CDKL3: variants seen among roughly 807,000 people sequenced by gnomAD.
CDKL3 encodes cyclin dependent kinase like 3.
CDKL3 carries 65 observed loss-of-function variants against 69.3 expected under a neutral mutation model. That is an observed-to-expected ratio of 0.94 (90% CI 0.77 to 1.15). The LOEUF is 1.15. Ranked by LOEUF, CDKL3 falls within the 50% of genes most tolerant of loss-of-function variation. The pLI, the probability that CDKL3 is intolerant of heterozygous loss-of-function variation, is 0.00. For missense variants in CDKL3, 652 were observed against 689.2 expected (o/e 0.95, Z 0.61); for synonymous variants, 202 against 221.6 (o/e 0.91, Z 0.79).
At chr5:134,344,921 C>T (rs997623640) in intron 4 of CDKL3, among the ~76,000 whole-genome samples, 2 of 151,866 alleles carry the variant, frequency 1.3e-5, no homozygotes, top group Non-Finnish European at 2.9e-5. Flanking sequence ...AAAAATTAGC[C>T]GGGTGTGGTG....
intron 8 of CDKL3, among the ~76,000 whole-genome samples, chr5:134,286,729 T>C (rs1249847030): frequency 2.0e-5 from 3 of 152,046 alleles, no homozygotes; most frequent in Non-Finnish European, 4.4e-5. Flanking sequence ...CCCCTTGTAA[T>C]AACCATCAGA....
At chr5:134,294,800 T>G (rs895352636), downstream of CDKL3, among the ~76,000 whole-genome samples, 7 of 152,108 alleles carry the variant, frequency 4.6e-5, no homozygotes, top group Non-Finnish European at 1.5e-5. Flanking sequence ...ATTGTACTTC[T>G]GTATATTAGC....
At chr5:134,310,278 C>T (rs1012463947) in intron 7 of CDKL3, among the ~76,000 whole-genome samples, 13 of 150,938 alleles carry the variant, frequency 8.6e-5, no homozygotes, top group African/African-American at 2.2e-4. Context: ...CTCTGCCTCC[C>T]GTGTTCACAC....
At chr5:134,318,854 TA>T (rs1222366227) in intron 6 of CDKL3, among the ~76,000 whole-genome samples, 5 of 152,216 alleles carry the variant, frequency 3.3e-5, no homozygotes, top group Middle Eastern at 3.4e-3. Context: ...ATAATTATCT[TA>T]GGGGGCATTC....
chr5:134,319,835 T>C (rs1580943622), intron 5 of CDKL3, among the ~76,000 whole-genome samples: 1 of 152,362 alleles, frequency 6.6e-6, no homozygotes, highest in Non-Finnish European at 1.5e-5. Flanking sequence ...CAAATGATTT[T>C]ACTATTAAGT....
Position 134,321,846 on chromosome 5 carries a change from G to C in CDKL3, c.597C>G (p.Pro199=), listed in dbSNP as rs767635510. The C allele has an allele frequency of 1.2e-6, 2 of 1,612,872 alleles. No individual in the cohort carries two copies. Among genetic ancestry groups the C allele is most frequent in the Non-Finnish European group, 1.7e-6 (2 of 1,179,178 alleles). ...CMIIEMATGN[P]YLPSSSDLDL... ...CCAAATCAGAACTACTAGGAAGATA[G>C]GGATTTCCAGTGGCCATCTCAATGA... Residue 199 remains proline (P), a synonymous_variant, in exon 5 of 13, where the codon CCC becomes CCG. Coordinates refer to ENST00000265334, the MANE Select transcript of CDKL3 (RefSeq NM_001113575.2).
chr5:134,367,640 CTGGGATTACAGG>C (rs1184617517), upstream of CDKL3, among the ~76,000 whole-genome samples: 1 of 152,192 alleles, frequency 6.6e-6, no homozygotes, highest in Admixed American at 6.5e-5. Flanking sequence ...TCCCAAAGTG[CTGGGATTACAGG>C]CGTAAGCCAC....
intron 3 of CDKL3, among the ~76,000 whole-genome samples, chr5:134,352,004 T>G (rs1753424033): frequency 6.6e-6 from 1 of 152,108 alleles, no homozygotes; most frequent in Non-Finnish European, 1.5e-5. Context: ...ATTCCTTCTT[T>G]CTAACTGAAT....
chr5:134,298,783 A>G, intron 12 of CDKL3, 73 bp from the exon 13 acceptor site: 1 of 1,551,580 alleles, frequency 6.4e-7, no homozygotes, highest in Non-Finnish European at 8.7e-7. Flanking sequence ...CTCTGACTTT[A>G]TTAATGCTAA....
intron 4 of CDKL3, among the ~76,000 whole-genome samples, chr5:134,323,082 A>C (rs1773223011): frequency 6.6e-6 from 1 of 152,194 alleles, no homozygotes; most frequent in African/African-American, 2.4e-5. Context: ...TCATGAAAGA[A>C]ATAAAAGATC....
At chr5:134,356,114 T>C (rs1754548232) in intron 3 of CDKL3, among the ~76,000 whole-genome samples, 1 of 152,222 alleles carries the variant, frequency 6.6e-6, no homozygotes, top group Non-Finnish European at 1.5e-5. Flanking sequence ...GCCCTGAGCT[T>C]GTTTTCCTGC....
rs1394816957 is a variant in CDKL3, at chr5:134,310,005, A to AT, written c.882-1279dup. Among the ~76,000 whole-genome samples the AT allele has an allele frequency of 2.6e-5, 4 of 151,732 alleles. No homozygotes were observed. The East Asian group carries it at 7.7e-4, about 29-fold the overall frequency. On this transcript the variant is annotated intron_variant, in intron 7 of 12. Transcript: ENST00000265334. ...ACCAACACACCCAGATAATTTTTGTATTTTTTGTAGAGACAGGGTTTTGCC... is the reference window on the plus strand; with the variant it reads ...ACCAACACACCCAGATAATTTTTGTATTTTTTTGTAGAGACAGGGTTTTGCC...
downstream of CDKL3, among the ~76,000 whole-genome samples, chr5:134,294,440 A>G (rs192199979): frequency 6.6e-6 from 1 of 152,280 alleles, no homozygotes; most frequent in East Asian, 1.9e-4. Flanking sequence ...CTGCTACAGG[A>G]AAAAAGCAAA....
intron 3 of CDKL3, among the ~76,000 whole-genome samples, chr5:134,358,456 T>G (rs1366992334): frequency 1.3e-5 from 2 of 152,206 alleles, no homozygotes; most frequent in Admixed American, 1.3e-4. Context: ...TAGAGTCTAA[T>G]ATAGACAAGG....
intron 2 of CDKL3, among the ~76,000 whole-genome samples, chr5:134,363,753 G>A (rs1166623489): frequency 4.0e-5 from 6 of 151,840 alleles, no homozygotes; most frequent in South Asian, 2.1e-4. Context: ...GAACCACCGC[G>A]CCCAGCGTAG....
chr5:134,297,065 C>T (rs1019720090), downstream of CDKL3, among the ~76,000 whole-genome samples: 2 of 151,220 alleles, frequency 1.3e-5, no homozygotes, highest in Admixed American at 1.3e-4. Flanking sequence ...GATTCTCCTG[C>T]CTCAGGCTCC....
rs961969967 is a variant in CDKL3, at chr5:134,298,605, A to G, written c.*46T>C. On this transcript the variant is annotated 3_prime_UTR_variant, in exon 13 of 13. Coordinates refer to ENST00000265334, the MANE Select transcript of CDKL3 (RefSeq NM_001113575.2). ...TTCTATTGTAGATAAATAAAACGGG[A>G]AGAGTTGTCATCTTGTATTTTTTGG... 6.3e-5 allele frequency: 100 copies of G among 1,597,590 alleles called. 1 individual carries two copies. In the South Asian group the frequency reaches 1.0e-3, roughly 16 times the overall value.
chr5:134,352,378 G>A (rs1196434163), intron 3 of CDKL3, among the ~76,000 whole-genome samples: 1 of 150,258 alleles, frequency 6.7e-6, no homozygotes, highest in Admixed American at 6.7e-5. Context: ...GCAGCTCACT[G>A]CAACCTCTGA....
At chr5:134,338,420 T>C (rs1388506547) in intron 4 of CDKL3, among the ~76,000 whole-genome samples, 1 of 152,098 alleles carries the variant, frequency 6.6e-6, no homozygotes, top group African/African-American at 2.4e-5. Flanking sequence ...CCAGGTGTGG[T>C]GGCTCACACC....
Sources: gnomAD v4.1 joint callset for allele counts (sites outside exome capture counted in the v4.1 genomes callset) on GRCh38, gnomAD v4.1.1 for gene constraint, MANE v1.5 for transcripts, NCBI Gene and HGNC (gene_info 2026-07-23, HGNC 2026-07-21) for gene names.